The following GARRE1 variants were observed in gnomAD, a reference collection of about 807,000 sequenced individuals.
GARRE1 encodes granule associated Rac and RHOG effector protein 1.
Under a neutral mutation model 103.2 loss-of-function variants are expected in GARRE1, and 49 were observed. The ratio of observed to expected loss-of-function variants is 0.47; its 90% CI spans 0.38 to 0.60. The LOEUF (loss-of-function observed/expected upper bound fraction) is 0.60. Ranked by LOEUF, GARRE1 falls within the 20% of genes least tolerant of loss-of-function variation. GARRE1 has a pLI of 0.00. For synonymous variants in GARRE1, 505 were observed against 532.8 expected (o/e 0.95, Z 0.72); for missense variants, 1,199 against 1,370.5 (o/e 0.87, Z 1.98).
intron 8 of GARRE1, among the ~76,000 whole-genome samples, chr19:34,339,238 C>T (rs1376379407): frequency 6.6e-6 from 1 of 152,204 alleles, no homozygotes; most frequent in Non-Finnish European, 1.5e-5. Context: ...CAGGTTGTCA[C>T]CCGACTTCTA....
At chr19:34,264,885 G>A (rs999285781) in intron 1 of GARRE1, among the ~76,000 whole-genome samples, 5 of 152,192 alleles carry the variant, frequency 3.3e-5, no homozygotes, top group African/African-American at 1.2e-4. Context: ...AATAACCAGT[G>A]TTGCCAGTGA....
At chr19:34,343,604 T>C (rs989070357) in intron 10 of GARRE1, among the ~76,000 whole-genome samples, 1 of 152,126 alleles carries the variant, frequency 6.6e-6, no homozygotes, top group Non-Finnish European at 1.5e-5. Flanking sequence ...TCCAGCACTT[T>C]GGAAGGCTGA....
chr19:34,320,905 CTTT>C (rs35585974), intron 3 of GARRE1, among the ~76,000 whole-genome samples: 1 of 125,098 alleles, frequency 8.0e-6, no homozygotes. Flanking sequence ...ATTATTATTA[CTTT>C]TTTTTTTTTT....
At chr19:34,297,156 C>T (rs544419128) in intron 1 of GARRE1, among the ~76,000 whole-genome samples, 2 of 152,166 alleles carry the variant, frequency 1.3e-5, no homozygotes, top group Admixed American at 6.5e-5. Flanking sequence ...GGCACTGTGA[C>T]GCGCACCTGT....
At chr19:34,320,203 A>T (rs1052480376) in intron 3 of GARRE1, 87 bp downstream of exon 3, 4 of 1,057,662 alleles carry the variant, frequency 3.8e-6, no homozygotes, top group Non-Finnish European at 5.7e-6. Context: ...CAAAACAGCC[A>T]TTTCATTTAG....
intron 1 of GARRE1, among the ~76,000 whole-genome samples, chr19:34,263,274 A>AGATAGATAGAT (rs1203657651): frequency 6.7e-6 from 1 of 149,780 alleles, no homozygotes; most frequent in South Asian, 2.2e-4. Flanking sequence ...AGAGATAGAT[A>AGATAGATAGAT]GATAGATAGA....
At chr19:34,335,717 G>C (rs2074158122) in intron 8 of GARRE1, among the ~76,000 whole-genome samples, 1 of 152,140 alleles carries the variant, frequency 6.6e-6, no homozygotes, top group Admixed American at 6.6e-5. Context: ...GTAGAGACAG[G>C]GTTTTGCCAT....
chr19:34,307,801 A>AAAT (rs1555783161), intron 2 of GARRE1, among the ~76,000 whole-genome samples: 2 of 126,642 alleles, frequency 1.6e-5, no homozygotes, highest in Admixed American at 1.8e-4. Context: ...ATAAAAAAAA[A>AAAT]ATATATATAT....
At chr19:34,283,080 T>A (rs1238765960) in intron 1 of GARRE1, among the ~76,000 whole-genome samples, 1 of 152,224 alleles carries the variant, frequency 6.6e-6, no homozygotes, top group Non-Finnish European at 1.5e-5. Context: ...GTTTAGCCTG[T>A]CGTTTTGAAA....
intron 13 of GARRE1, 75 bp from the exon 14 acceptor site, chr19:34,352,572 G>A: frequency 7.8e-7 from 1 of 1,286,316 alleles, no homozygotes; most frequent in East Asian, 2.3e-5. Context: ...GGGAATAAGG[G>A]CCAGGCATCT....
At chr19:34,301,513 C>CAAAA (rs57777660) in intron 2 of GARRE1, among the ~76,000 whole-genome samples, 4 of 85,386 alleles carry the variant, frequency 4.7e-5, no homozygotes, top group Non-Finnish European at 6.5e-5. Flanking sequence ...GACCATGTCT[C>CAAAA]AAAAAAAAAA....
chr19:34,351,737 GGAA>G, intron 13 of GARRE1, 145 bp downstream of exon 13: 7 of 656,984 alleles, frequency 1.1e-5, no homozygotes, highest in Non-Finnish European at 1.1e-5. Context: ...CAGAGCCACA[GGAA>G]GCTCTACGGC....
chr19:34,325,730 C>T (rs2074108539), intron 3 of GARRE1, among the ~76,000 whole-genome samples: 1 of 152,222 alleles, frequency 6.6e-6, no homozygotes, highest in African/African-American at 2.4e-5. Flanking sequence ...CTAGACCTGC[C>T]TAGTCTGGCT....
intron 2 of GARRE1, among the ~76,000 whole-genome samples, chr19:34,319,010 A>G (rs2074072599): frequency 9.4e-6 from 1 of 106,342 alleles, no homozygotes; most frequent in African/African-American, 2.8e-5. Context: ...GCGAGACTCC[A>G]TTTCAAAAAA....
At chr19:34,331,593 G>T (rs2074138186) in intron 7 of GARRE1, among the ~76,000 whole-genome samples, 2 of 152,046 alleles carry the variant, frequency 1.3e-5, no homozygotes, top group Non-Finnish European at 2.9e-5. Flanking sequence ...GAGTTGGGTG[G>T]GTCAGGAGAT....
At chr19:34,317,314 A>G (rs189944287) in intron 2 of GARRE1, among the ~76,000 whole-genome samples, 2 of 152,220 alleles carry the variant, frequency 1.3e-5, no homozygotes, top group Non-Finnish European at 2.9e-5. Context: ...TGCTTGGTGC[A>G]TATCAGGCAT....
chr19:34,313,526 G>A (rs890412512), intron 2 of GARRE1, among the ~76,000 whole-genome samples: 10 of 152,206 alleles, frequency 6.6e-5, no homozygotes, highest in Admixed American at 5.9e-4. Context: ...GAGGCATCTA[G>A]TGCGACAGAG....
intron 1 of GARRE1, among the ~76,000 whole-genome samples, chr19:34,298,232 A>G (rs2073957492): frequency 6.6e-6 from 1 of 152,062 alleles, no homozygotes; most frequent in Admixed American, 6.6e-5. Flanking sequence ...CCTGGGCAAC[A>G]TGGCGAAACC....
Position 34,327,783 on chromosome 19 carries a change from G to C in GARRE1, c.859G>C (p.Ala287Pro). 6.2e-7 allele frequency: 1 copy of C among 1,613,358 alleles called. No homozygotes were observed. Among genetic ancestry groups the C allele is most frequent in the Non-Finnish European group, 8.5e-7 (1 of 1,179,338 alleles). ...AATTTATTTCCAGGCATATAAGATA[G>C]CTCTGGAAAGCTTAGGACACTGTGA... ...IDSALQAYKIALESLGHCEYA... is the reference protein window; with the variant it reads ...IDSALQAYKIPLESLGHCEYA... Residue 287 changes from alanine to proline, a missense_variant, in exon 5 of 14, where the codon GCT (alanine) becomes CCT (proline). Coordinates refer to ENST00000299505, the MANE Select transcript of GARRE1 (RefSeq NM_014686.5).
Sources: allele counts gnomAD v4.1 joint callset (sites outside exome capture counted in the v4.1 genomes callset), GRCh38; gene constraint gnomAD v4.1.1; transcripts MANE v1.5; gene names NCBI Gene and HGNC (gene_info 2026-07-23, HGNC 2026-07-21).